The following ACSS3 variants were observed in gnomAD, a reference collection of about 807,000 sequenced individuals.
ACSS3 encodes the protein acyl-CoA synthetase short-chain family member 3, mitochondrial.
Under a neutral mutation model 84.2 loss-of-function variants are expected in ACSS3, and 64 were observed. The ratio of observed to expected loss-of-function variants is 0.76; its 90% CI spans 0.62 to 0.94. ACSS3 has a LOEUF of 0.94. Among genes scored for constraint, ACSS3 ranks in the 40% least tolerant of loss-of-function variants. The probability of loss-of-function intolerance (pLI) is 0.00; values close to 1 mark genes in which losing one functional copy is unlikely to be tolerated. For missense variants in ACSS3, 815 were observed against 867.6 expected, an observed-to-expected ratio of 0.94 and a Z score of 0.76; for synonymous variants, 317 against 310.1, an observed-to-expected ratio of 1.02 and a Z score of -0.23.
intron 2 of ACSS3, among the ~76,000 whole-genome samples, chr12:81,132,576 C>G (rs1425729003): frequency 6.6e-6 from 1 of 152,034 alleles, no homozygotes; most frequent in Non-Finnish European, 1.5e-5. Context: ...TTTCAAAAAA[C>G]CAGCTCCTAG....
chr12:81,235,036 T>C (rs949415969), intron 13 of ACSS3, among the ~76,000 whole-genome samples: 1 of 151,412 alleles, frequency 6.6e-6, no homozygotes, highest in Non-Finnish European at 1.5e-5. Context: ...AGTTTTATGT[T>C]TTATATTCAG....
chr12:81,248,613 T>C (rs2034057186), intron 13 of ACSS3, among the ~76,000 whole-genome samples: 1 of 151,770 alleles, frequency 6.6e-6, no homozygotes, highest in Non-Finnish European at 1.5e-5. Context: ...AAATAAACAG[T>C]TAGATAGAAG....
intron 2 of ACSS3, among the ~76,000 whole-genome samples, chr12:81,116,744 T>C (rs911333643): frequency 1.3e-5 from 2 of 152,160 alleles, no homozygotes; most frequent in African/African-American, 4.8e-5. Context: ...AGTCATATTA[T>C]GTAGTGAATT....
At chr12:81,147,434 A>G (rs1886393567) in intron 5 of ACSS3, among the ~76,000 whole-genome samples, 1 of 152,172 alleles carries the variant, frequency 6.6e-6, no homozygotes, top group African/African-American at 2.4e-5. Flanking sequence ...AGATACAAAG[A>G]TGTTGTCCTC....
chr12:81,085,836 G>C (rs768121456), intron 1 of ACSS3, among the ~76,000 whole-genome samples: 1 of 152,094 alleles, frequency 6.6e-6, no homozygotes, highest in Admixed American at 6.5e-5. Flanking sequence ...GATGGTTATA[G>C]TATCGTTCTC....
chr12:81,083,358 C>CTTTTTTTT (rs111641450), intron 1 of ACSS3, among the ~76,000 whole-genome samples: 2 of 140,304 alleles, frequency 1.4e-5, no homozygotes, highest in Non-Finnish European at 3.1e-5. Context: ...AGCTTTTGGT[C>CTTTTTTTT]TTTTTTTTTT....
intron 9 of ACSS3, among the ~76,000 whole-genome samples, chr12:81,204,131 A>AT (rs954231536): frequency 2.0e-4 from 30 of 150,062 alleles, no homozygotes; most frequent in South Asian, 1.1e-3. Context: ...CCTTCGTGGG[A>AT]TTTTTTTTTT....
intron 8 of ACSS3, among the ~76,000 whole-genome samples, chr12:81,197,128 C>T (rs1356098405): frequency 6.6e-6 from 1 of 151,896 alleles, no homozygotes; most frequent in African/African-American, 2.4e-5. Context: ...TTAACTAAAA[C>T]CTTTTTGACA....
chr12:81,180,289 G>A (rs1221090469), intron 8 of ACSS3, among the ~76,000 whole-genome samples: 1 of 152,170 alleles, frequency 6.6e-6, no homozygotes, highest in East Asian at 1.9e-4. Flanking sequence ...TGGATTACTT[G>A]ATAATCTGTA....
chr12:81,115,070 G>T (rs1456956982), intron 2 of ACSS3, among the ~76,000 whole-genome samples: 2 of 152,094 alleles, frequency 1.3e-5, no homozygotes, highest in Non-Finnish European at 2.9e-5. Flanking sequence ...CATTGCAAGA[G>T]GTTGTAGTTT....
At chr12:81,139,619 A>AAATAAT (rs140742036) in intron 4 of ACSS3, among the ~76,000 whole-genome samples, 69 of 99,114 alleles carry the variant, frequency 7.0e-4, no homozygotes, top group African/African-American at 1.4e-3. Context: ...TATATATATA[A>AAATAAT]AATAATAATA....
chr12:81,174,260 A>G (rs1306966042), intron 7 of ACSS3, among the ~76,000 whole-genome samples: 1 of 152,208 alleles, frequency 6.6e-6, no homozygotes, highest in Non-Finnish European at 1.5e-5. Context: ...GAAAACATGC[A>G]CTTTGGCACA....
At chr12:81,204,992 T>C (rs1307572936) in intron 9 of ACSS3, among the ~76,000 whole-genome samples, 2 of 152,186 alleles carry the variant, frequency 1.3e-5, no homozygotes, top group Non-Finnish European at 1.5e-5. Context: ...TCTTACTTTA[T>C]CTGCCTTGAG....
At chr12:81,155,318 A>T (rs1886809794) in intron 7 of ACSS3, among the ~76,000 whole-genome samples, 1 of 152,124 alleles carries the variant, frequency 6.6e-6, no homozygotes, top group Non-Finnish European at 1.5e-5. Flanking sequence ...CGTTTCCTGG[A>T]TAATCTCCAA....
intron 3 of ACSS3, among the ~76,000 whole-genome samples, chr12:81,136,020 A>G (rs951490743): frequency 2.6e-5 from 4 of 152,130 alleles, no homozygotes; most frequent in Non-Finnish European, 5.9e-5. Flanking sequence ...TGTTCCTGAC[A>G]CTGTCTTTGC....
chr12:81,090,475 A>G (rs916292570), intron 1 of ACSS3, among the ~76,000 whole-genome samples: 17 of 151,102 alleles, frequency 1.1e-4, no homozygotes, highest in African/African-American at 3.2e-4. Context: ...CCTTCTGTAT[A>G]TATCAGTTGA....
chr12:81,087,187 A>C (rs1881373672), intron 1 of ACSS3, among the ~76,000 whole-genome samples: 1 of 152,182 alleles, frequency 6.6e-6, no homozygotes, highest in Admixed American at 6.5e-5. Context: ...TTAATAATTT[A>C]AAACATTAAT....
chr12:81,235,867 T>G (rs973454479), intron 13 of ACSS3, among the ~76,000 whole-genome samples: 7 of 151,490 alleles, frequency 4.6e-5, no homozygotes, highest in African/African-American at 1.7e-4. Context: ...AGCGGTATTT[T>G]TGGTAGACTT....
At chr12:81,235,316 AT>A (rs1411381495) in intron 13 of ACSS3, among the ~76,000 whole-genome samples, 14 of 150,950 alleles carry the variant, frequency 9.3e-5, no homozygotes, top group African/African-American at 1.5e-4. Flanking sequence ...TATTTAATAG[AT>A]TTTTTTATGT....
Sources: gnomAD v4.1 joint callset for allele counts (sites outside exome capture counted in the v4.1 genomes callset) on GRCh38, gnomAD v4.1.1 for gene constraint, MANE v1.5 for transcripts, NCBI Gene and HGNC (gene_info 2026-07-23, HGNC 2026-07-21) for gene names.